The following FN1 variants were observed in gnomAD, a reference collection of about 807,000 sequenced individuals.
FN1 encodes the protein fibronectin.
FN1 carries 106 observed loss-of-function variants against 297.3 expected under a neutral mutation model. That is an observed-to-expected ratio of 0.36 (90% CI 0.30 to 0.42). The LOEUF is 0.42. Ranked by LOEUF, FN1 falls within the 10% of genes least tolerant of loss-of-function variation. FN1 has a pLI of 1.00. For synonymous variants in FN1, 1,149 were observed against 1,152.6 expected, an observed-to-expected ratio of 1.00 and a Z score of 0.06; for missense variants, 2,690 against 3,124.9, an observed-to-expected ratio of 0.86 and a Z score of 3.32.
intron 29 of FN1, chr2:215,384,422 G>A: frequency 1.8e-6 from 1 of 545,912 alleles, no homozygotes. Flanking sequence ...GCTTTAAAAT[G>A]TCACTGAGTA....
chr2:215,428,908 G>A (rs1279486418), intron 5 of FN1, among the ~76,000 whole-genome samples: 1 of 152,004 alleles, frequency 6.6e-6, no homozygotes, highest in Non-Finnish European at 1.5e-5. Flanking sequence ...CAAGCTACTC[G>A]GGAAGCTGAG....
intron 29 of FN1, 148 bp downstream of exon 29, chr2:215,384,712 A>G: frequency 1.5e-6 from 1 of 657,460 alleles, no homozygotes; most frequent in South Asian, 1.8e-5. Context: ...TATCATCTAT[A>G]TCTTACGTAT....
Position 215,409,588 on chromosome 2 carries a change from C to T in FN1, c.2274G>A (p.Glu758=), listed in dbSNP as rs774206570. The T allele has an allele frequency of 2.0e-5, 33 of 1,613,706 alleles. No homozygotes were observed. Among genetic ancestry groups the T allele is most frequent in the Admixed American group, 6.7e-5 (4 of 60,008 alleles). ...CCAGGTACTGTGGCTCATCTCCCTC[C>T]TCACTCAGCTCATATTCCACCCGGA... The part of the protein sequence containing the change: ...SGFRVEYELS[E]EGDEPQYLDL... The change falls in exon 15 of 46, where the codon GAG becomes GAA. Residue 758 remains glutamate (E), a synonymous_variant. Transcript: ENST00000354785.
intron 6 of FN1, among the ~76,000 whole-genome samples, chr2:215,426,061 T>A (rs1282568447): frequency 2.6e-5 from 4 of 152,156 alleles, no homozygotes; most frequent in Admixed American, 6.6e-5. Flanking sequence ...TTCTATTGTG[T>A]TTTTTCTAAA....
At chr2:215,386,369 G>T (rs889563305) in intron 28 of FN1, among the ~76,000 whole-genome samples, 2 of 151,842 alleles carry the variant, frequency 1.3e-5, no homozygotes, top group Non-Finnish European at 2.9e-5. Flanking sequence ...GAGCCACCCC[G>T]TCCGGCCAAT....
intron 7 of FN1, 30 bp downstream of exon 7, chr2:215,425,064 A>T: frequency 1.9e-6 from 3 of 1,583,576 alleles, no homozygotes; most frequent in East Asian, 2.2e-5. Flanking sequence ...TAAAGTCATC[A>T]GTCCTATTCT....
At chr2:215,391,153 C>G (rs758096697) in intron 26 of FN1, among the ~76,000 whole-genome samples, 5 of 152,178 alleles carry the variant, frequency 3.3e-5, no homozygotes, top group East Asian at 1.9e-4. Flanking sequence ...ACTTCTGACT[C>G]TCTTCACAAC....
At chr2:215,399,470 G>A (rs2060727184) in intron 20 of FN1, 119 bp from the exon 21 acceptor site, 2 of 725,292 alleles carry the variant, frequency 2.8e-6, no homozygotes, top group South Asian at 1.5e-5. Flanking sequence ...GATAGAGGAT[G>A]TAACATATTT....
intron 18 of FN1, among the ~76,000 whole-genome samples, chr2:215,406,741 T>C (rs191317995): frequency 6.6e-6 from 1 of 152,308 alleles, no homozygotes; most frequent in African/African-American, 2.4e-5. Context: ...ATATGAAGTG[T>C]CATATGGTGG....
intron 4 of FN1, 70 bp downstream of exon 4, chr2:215,431,763 T>C: frequency 6.6e-7 from 1 of 1,515,022 alleles, no homozygotes; most frequent in Non-Finnish European, 9.2e-7. Context: ...CCTATGTAGA[T>C]GTGATTCTGG....
chr2:215,365,751 T>G (rs933570438), intron 42 of FN1, 121 bp from the exon 43 acceptor site: 1 of 832,362 alleles, frequency 1.2e-6, no homozygotes, highest in African/African-American at 1.7e-5. Context: ...AATAGCAAGT[T>G]AAAGATAAAA....
At chr2:215,407,976 A>C in intron 17 of FN1, 132 bp downstream of exon 17, 1 of 695,664 alleles carries the variant, frequency 1.4e-6, no homozygotes, top group Non-Finnish European at 2.5e-6. Flanking sequence ...ACACACACAC[A>C]CACAAACCCC....
Position 215,361,477 on chromosome 2 carries a change from T to C in FN1, c.*78A>G. The stretch of plus-strand genomic sequence containing the variant: ...TAAGAAAGAAAGAAGAACTCTAAGC[T>C]GGGTCTGCTAACATCACTCCAGTTT... On this transcript the variant is annotated 3_prime_UTR_variant, in exon 46 of 46. Transcript: ENST00000354785. The C allele has an allele frequency of 9.8e-7, 1 of 1,015,246 alleles. No homozygotes were observed. Among genetic ancestry groups the C allele is most frequent in the South Asian group, 1.3e-5 (1 of 79,100 alleles). The allele number at this position is 1,015,246 out of a possible 1,614,324, so 62.9% of individuals were successfully genotyped here.
Position 215,383,332 on chromosome 2 carries a change from A to AC in FN1, c.5045dup (p.Pro1683SerfsTer9). On this transcript the variant is annotated frameshift_variant, in exon 31 of 46. Coordinates refer to ENST00000354785, the MANE Select transcript of FN1 (RefSeq NM_212482.4). LOFTEE classifies it high-confidence loss of function. ...CGAGATGCAGATGATTCTTACCTGGACCTGCAGTTTTAGTTTTTGTTGGTC... is the reference window on the plus strand; with the variant it reads ...CGAGATGCAGATGATTCTTACCTGGACCCTGCAGTTTTAGTTTTTGTTGGTC... The AC allele has an allele frequency of 6.2e-7, 1 of 1,614,064 alleles. No individual in the cohort carries two copies. The highest frequency in any genetic ancestry group is 8.5e-7 in the Non-Finnish European group (1 of 1,179,962).
At chr2:215,406,216 A>G (rs1468913830) in intron 19 of FN1, 22 bp downstream of exon 19, 10 of 1,612,654 alleles carry the variant, frequency 6.2e-6, no homozygotes, top group Non-Finnish European at 8.5e-6. Context: ...TGGAGGGGAG[A>G]TAGAGATAGG....
intron 9 of FN1, among the ~76,000 whole-genome samples, chr2:215,422,697 C>A (rs2064621997): frequency 6.6e-6 from 1 of 152,164 alleles, no homozygotes; most frequent in Admixed American, 6.5e-5. Context: ...TAAGCAATTT[C>A]TTTGTCTCAT....
chr2:215,413,092 G>A (rs1157400008), intron 13 of FN1, among the ~76,000 whole-genome samples: 3 of 151,972 alleles, frequency 2.0e-5, no homozygotes, highest in East Asian at 1.9e-4. Flanking sequence ...AGTTTGCTTC[G>A]TATAGGAATT....
rs2057829052 is a variant in FN1, at chr2:215,379,208, G to A, written c.5544C>T (p.Thr1848=). The change falls in exon 34 of 46, where the codon ACC becomes ACT. Residue 1848 remains threonine, a synonymous_variant. Coordinates refer to ENST00000354785, the MANE Select transcript of FN1 (RefSeq NM_212482.4). Reference sequence around the variant, plus strand: ...TCATTGGTCCGGTCTTCTCCTTGGGGGTCACCCGCACTCGATATCCAGTGA... The same window carrying A: ...TCATTGGTCCGGTCTTCTCCTTGGGAGTCACCCGCACTCGATATCCAGTGA... ...VQLTGYRVRV[T]PKEKTGPMKE... 1 of 1,614,030 alleles carries A rather than the reference G, an allele frequency of 6.2e-7. No individual in the cohort carries two copies. The highest frequency in any genetic ancestry group is 1.7e-4 in the Middle Eastern group (1 of 6,060).
At chr2:215,428,136 G>T in intron 6 of FN1, 44 bp downstream of exon 6, 1 of 1,609,596 alleles carries the variant, frequency 6.2e-7, no homozygotes, top group South Asian at 1.1e-5. Flanking sequence ...AATATTTCTT[G>T]ACCTGCTTCC....
Sources: gnomAD v4.1 joint callset for allele counts (sites outside exome capture counted in the v4.1 genomes callset) on GRCh38, gnomAD v4.1.1 for gene constraint, MANE v1.5 for transcripts, NCBI Gene and HGNC (gene_info 2026-07-23, HGNC 2026-07-21) for gene names.